Variants in ALG12 observed in about 807,000 individuals in gnomAD.
ALG12 encodes the protein ALG12 alpha-1,6-mannosyltransferase.
In ALG12, 36 loss-of-function variants were observed where a neutral mutation model predicts 46.0. The observed-to-expected ratio is 0.78, with a 90% CI of 0.60 to 1.03. ALG12 has a LOEUF of 1.03. Among genes scored for constraint, ALG12 ranks in the 50% least tolerant of loss-of-function variants. ALG12 has a pLI of 0.00. For synonymous variants in ALG12, 326 were observed against 291.6 expected (o/e 1.12, Z -1.20); for missense variants, 599 against 633.5 (o/e 0.95, Z 0.58).
At chr22:49,915,369 C>T in intron 1 of ALG12, among the ~76,000 whole-genome samples, 1 of 151,896 alleles carries the variant, frequency 6.6e-6, no homozygotes, top group Non-Finnish European at 1.5e-5. Context: ...CCATCCTGGC[C>T]AACATGGTGA....
chr22:49,891,892 T>C, the ALG12 span, among the ~76,000 whole-genome samples: 1 of 152,190 alleles, frequency 6.6e-6, no homozygotes, highest in Admixed American at 6.5e-5. Flanking sequence ...TTCCCTTCTC[T>C]TCCACTTCTG....
At chr22:49,859,393 G>C in the ALG12 span, among the ~76,000 whole-genome samples, 1 of 152,052 alleles carries the variant, frequency 6.6e-6, no homozygotes, top group African/African-American at 2.4e-5. Context: ...TGCTCAAATA[G>C]CTATAAATGT....
chr22:49,877,702 G>C, the ALG12 span, among the ~76,000 whole-genome samples: 37 of 152,240 alleles, frequency 2.4e-4, no homozygotes, highest in Non-Finnish European at 3.1e-4. Flanking sequence ...AACAGCTGCT[G>C]TGAACATTTG....
At chr22:49,912,016 C>T (rs1188107300) in intron 3 of ALG12, among the ~76,000 whole-genome samples, 4 of 151,658 alleles carry the variant, frequency 2.6e-5, no homozygotes, top group Non-Finnish European at 5.9e-5. Flanking sequence ...GGATCAGCCT[C>T]GGCCACGGGA....
chr22:49,896,779 G>A (rs746596585), downstream of ALG12, among the ~76,000 whole-genome samples: 7 of 152,018 alleles, frequency 4.6e-5, no homozygotes, highest in Non-Finnish European at 1.0e-4. Flanking sequence ...GGGATTACAG[G>A]TGCCTGCCAC....
chr22:49,916,241 A>T (rs902997215), intron 1 of ALG12, among the ~76,000 whole-genome samples: 1 of 151,978 alleles, frequency 6.6e-6, no homozygotes, highest in Non-Finnish European at 1.5e-5. Flanking sequence ...CGACAGAGCA[A>T]GACTCCATCT....
chr22:49,859,542 C>G, the ALG12 span, among the ~76,000 whole-genome samples: 140,249 of 152,060 alleles, frequency 0.92, 64,783 homozygotes, highest in African/African-American at 0.98. Context: ...TGCTTCTCCA[C>G]AGCGCCTGGG....
rs189676256 is a variant in ALG12, at chr22:49,905,329, C to G, written c.993-823G>C. On this transcript the variant is annotated intron_variant, in intron 7 of 9. Transcript: ENST00000330817. This position sits in a 1 kb window ranked among gnomAD's most constrained non-coding sequence, Gnocchi z 4.9. ...CAAGACTCACTCTCTTCCAAACCCA[C>G]CAGGCTCCTCGGAGCCCTCTTCTCC... Among the ~76,000 whole-genome samples, 22 of 152,328 alleles carry G rather than the reference C, an allele frequency of 1.4e-4. No homozygotes were observed. The highest frequency in any genetic ancestry group is 5.1e-4 in the African/African-American group (21 of 41,582).
the ALG12 span, chr22:49,886,498 G>C: frequency 6.4e-6 from 10 of 1,566,838 alleles, no homozygotes; most frequent in South Asian, 1.2e-4. This position sits in a 1 kb window ranked among gnomAD's most constrained non-coding sequence, Gnocchi z 7.7. Context: ...TGCGAGCCGG[G>C]AGATGAGCAC....
At chr22:49,862,277 T>C in the ALG12 span, among the ~76,000 whole-genome samples, 1 of 152,200 alleles carries the variant, frequency 6.6e-6, no homozygotes, top group Admixed American at 6.5e-5. Context: ...TTTCTCTGTC[T>C]TTCTTATTTT....
At chr22:49,878,861 T>C in the ALG12 span, among the ~76,000 whole-genome samples, 3 of 150,734 alleles carry the variant, frequency 2.0e-5, no homozygotes, top group Admixed American at 2.0e-4. Context: ...GAGCCGGGAG[T>C]GGGCCAGGCG....
the ALG12 span, among the ~76,000 whole-genome samples, chr22:49,881,364 C>T: frequency 6.6e-6 from 1 of 152,204 alleles, no homozygotes; most frequent in African/African-American, 2.4e-5. Context: ...ATTTGTTTTT[C>T]ATTTTCTAAT....
Position 49,902,140 on chromosome 22 carries a change from T to C in ALG12, c.*1698A>G, listed in dbSNP as rs2060512975. 7.7e-6 allele frequency: 1 copy of C among 130,512 alleles called. No homozygotes were observed. The highest frequency in any genetic ancestry group is 7.6e-5 in the Admixed American group (1 of 13,170). The allele number at this position is 130,512 out of a possible 1,614,324, so 8.1% of individuals were successfully genotyped here. A position where few individuals can be genotyped will look rare whatever the true frequency, so the allele number is the denominator to read the frequency against. On this transcript the variant is annotated 3_prime_UTR_variant, in exon 10 of 10. Coordinates refer to ENST00000330817, the MANE Select transcript of ALG12 (RefSeq NM_024105.4). ...GTAATGTGCACGTGTGCACTGTGTG[T>C]GGTGTGTATGCATGGTGTGTGCACG...
In ALG12 at chr22:49,902,843, G is replaced by A. The variant is rs2060521061; in HGVS notation, c.*995C>T. The A allele has an allele frequency of 3.0e-5, 3 of 100,374 alleles. No homozygotes were observed. The highest frequency in any genetic ancestry group is 9.9e-5 in the African/African-American group (1 of 10,138). The allele number at this position is 100,374 out of a possible 1,614,324, so 6.2% of individuals were successfully genotyped here. A position where few individuals can be genotyped will look rare whatever the true frequency, so the allele number is the denominator to read the frequency against. ...CACGTGTGCACTGTGTATGCATAGT[G>A]TGTGCACGTGTGCACTGTGTGTGGA... On this transcript the variant is annotated 3_prime_UTR_variant, in exon 10 of 10. Coordinates refer to ENST00000330817, the MANE Select transcript of ALG12 (RefSeq NM_024105.4).
At chr22:49,866,229 C>A in the ALG12 span, among the ~76,000 whole-genome samples, 2 of 152,156 alleles carry the variant, frequency 1.3e-5, no homozygotes, top group African/African-American at 4.8e-5. Flanking sequence ...TTGACAATTT[C>A]TAATTCAGGA....
Position 49,906,109 on chromosome 22 carries a change from G to A in ALG12, c.993-1603C>T, listed in dbSNP as rs183133941. On this transcript the variant is annotated intron_variant, in intron 7 of 9. Transcript: ENST00000330817. This position sits in a 1 kb window ranked among gnomAD's most constrained non-coding sequence, Gnocchi z 4.4. Reference sequence around the variant, plus strand: ...CCCCTCATTTGGACTCCCCAAGTTTGTCCTCCTCCGGATAAGGCCGACTGG... The same window carrying A: ...CCCCTCATTTGGACTCCCCAAGTTTATCCTCCTCCGGATAAGGCCGACTGG... 2.0e-3 allele frequency among the ~76,000 whole-genome samples: 298 copies of A among 152,240 alleles called. 1 individual carries two copies. The highest frequency in any genetic ancestry group is 6.6e-3 in the African/African-American group (276 of 41,540).
the ALG12 span, among the ~76,000 whole-genome samples, chr22:49,874,234 C>T: frequency 2.0e-5 from 3 of 152,314 alleles, no homozygotes; most frequent in Admixed American, 2.0e-4. Context: ...GCACTGTTTC[C>T]CGGATGCGTC....
At chr22:49,873,783 A>T in the ALG12 span, among the ~76,000 whole-genome samples, 1 of 152,184 alleles carries the variant, frequency 6.6e-6, no homozygotes, top group Admixed American at 6.5e-5. Flanking sequence ...ACCTAGAATG[A>T]GATGTCTGTT....
At chr22:49,859,747 G>C in the ALG12 span, among the ~76,000 whole-genome samples, 1 of 152,172 alleles carries the variant, frequency 6.6e-6, no homozygotes, top group Non-Finnish European at 1.5e-5. Flanking sequence ...GTAGTTTTGC[G>C]GGGTGTGGTG....
Sources: allele counts gnomAD v4.1 joint callset (sites outside exome capture counted in the v4.1 genomes callset), GRCh38; gene constraint gnomAD v4.1.1; non-coding constraint Gnocchi (gnomAD v3.1); transcripts MANE v1.5; gene names NCBI Gene and HGNC (gene_info 2026-07-23, HGNC 2026-07-21).